Variants in SCLT1 observed in about 807,000 individuals in gnomAD.
SCLT1 encodes sodium channel and clathrin linker 1, also known as sodium channel-associated protein 1.
A neutral mutation model predicts 112.8 loss-of-function variants in SCLT1; 78 were observed. The observed-to-expected ratio is 0.69, with a 90% confidence interval of 0.58 to 0.83. The LOEUF (loss-of-function observed/expected upper bound fraction) is 0.83. SCLT1 is among the 40% of genes least tolerant of loss of function. The probability of loss-of-function intolerance (pLI) is 0.00; values close to 1 mark genes in which losing one functional copy is unlikely to be tolerated. For synonymous variants in SCLT1, 257 were observed against 254.7 expected, an observed-to-expected ratio of 1.01 and a Z score of -0.09; for missense variants, 747 against 770.4, an observed-to-expected ratio of 0.97 and a Z score of 0.36.
intron 9 of SCLT1, among the ~76,000 whole-genome samples, chr4:128,990,132 C>A (rs980828678): frequency 3.8e-4 from 58 of 151,950 alleles, no homozygotes; most frequent in African/African-American, 1.3e-3. Flanking sequence ...CAAAACCAGA[C>A]AAAGACACAA....
In SCLT1 at chr4:129,003,807, TC is replaced by T; in HGVS notation, c.359del (p.Gly120GlufsTer20). On this transcript the variant is annotated frameshift_variant, in exon 6 of 21. Transcript: ENST00000281142. LOFTEE classifies it high-confidence loss of function. ...LEAFPLGTEV[G>X]TDIYADDETV... The stretch of plus-strand genomic sequence containing the variant: ...TTTCATCATCTGCATATATGTCAGT[TC>T]CTACCTCTGTGCCCAGGGGAAAGGC... 6.2e-7 allele frequency: 1 copy of T among 1,612,538 alleles called. No homozygotes were observed. Among genetic ancestry groups the T allele is most frequent in the East Asian group, 2.2e-5 (1 of 44,766 alleles).
At chr4:128,900,746 C>T (rs1734211608) in intron 18 of SCLT1, among the ~76,000 whole-genome samples, 1 of 152,142 alleles carries the variant, frequency 6.6e-6, no homozygotes, top group Non-Finnish European at 1.5e-5. Flanking sequence ...AGGCAACCTA[C>T]AGAACAGGAG....
At chr4:128,961,944 G>GT (rs1352251762) in intron 11 of SCLT1, among the ~76,000 whole-genome samples, 3 of 152,174 alleles carry the variant, frequency 2.0e-5, no homozygotes, top group Non-Finnish European at 4.4e-5. Flanking sequence ...GTTGGCTATC[G>GT]TTGTTAAGAG....
chr4:129,056,933 A>G (rs1292528640), intron 2 of SCLT1, among the ~76,000 whole-genome samples: 1 of 152,214 alleles, frequency 6.6e-6, no homozygotes, highest in Non-Finnish European at 1.5e-5. Context: ...AAAACTTTCA[A>G]CTTTTACGCT....
intron 5 of SCLT1, among the ~76,000 whole-genome samples, chr4:129,006,051 G>T (rs1375736240): frequency 1.4e-4 from 20 of 146,488 alleles, no homozygotes; most frequent in African/African-American, 1.5e-4. Context: ...AGCATTAGGA[G>T]ATATACCTAA....
intron 18 of SCLT1, among the ~76,000 whole-genome samples, chr4:128,892,156 T>C (rs1327732100): frequency 2.0e-5 from 3 of 152,238 alleles, no homozygotes; most frequent in African/African-American, 7.2e-5. Context: ...ACTGTCTTCT[T>C]CTTCTTGTTC....
intron 5 of SCLT1, among the ~76,000 whole-genome samples, chr4:129,016,483 T>C (rs1367046962): frequency 3.9e-5 from 6 of 152,214 alleles, no homozygotes; most frequent in Admixed American, 3.9e-4. Flanking sequence ...TTTTACTGCC[T>C]ATTATTTCTA....
chr4:129,034,630 A>G (rs1304352018), intron 5 of SCLT1, among the ~76,000 whole-genome samples: 1 of 151,246 alleles, frequency 6.6e-6, no homozygotes, highest in Non-Finnish European at 1.5e-5. Flanking sequence ...AAATTTCAAA[A>G]AAACTTTTTA....
At chr4:128,966,742 T>C (rs762296302) in intron 10 of SCLT1, among the ~76,000 whole-genome samples, 5 of 152,220 alleles carry the variant, frequency 3.3e-5, no homozygotes, top group Admixed American at 6.5e-5. Flanking sequence ...TGCCTGTATT[T>C]TGCCTTCATT....
At chr4:128,934,869 T>A (rs1387133854) in intron 18 of SCLT1, among the ~76,000 whole-genome samples, 1 of 151,950 alleles carries the variant, frequency 6.6e-6, no homozygotes, top group Non-Finnish European at 1.5e-5. Flanking sequence ...AATAGTGAAC[T>A]TCTTTGACAT....
intron 17 of SCLT1, among the ~76,000 whole-genome samples, chr4:128,939,115 T>C (rs1320580413): frequency 1.3e-5 from 2 of 152,234 alleles, no homozygotes; most frequent in East Asian, 3.9e-4. Flanking sequence ...TCACAAGCTT[T>C]GCTTTAAGAC....
chr4:128,886,811 C>G (rs948403649), intron 20 of SCLT1, among the ~76,000 whole-genome samples: 1 of 152,122 alleles, frequency 6.6e-6, no homozygotes, highest in Admixed American at 6.6e-5. Context: ...AGGGGAGAAA[C>G]TAAACTAGAT....
At chr4:128,938,211 T>G (rs1218034103) in intron 17 of SCLT1, among the ~76,000 whole-genome samples, 1 of 152,220 alleles carries the variant, frequency 6.6e-6, no homozygotes, top group South Asian at 2.1e-4. Context: ...GAGTAATTCA[T>G]TAAATACGGT....
At chr4:128,926,922 T>C (rs1200708609) in intron 18 of SCLT1, among the ~76,000 whole-genome samples, 2 of 151,498 alleles carry the variant, frequency 1.3e-5, no homozygotes, top group Admixed American at 1.3e-4. Context: ...TGGTATAACA[T>C]GTAGGGTAGT....
At position 129,042,812 on chromosome 4, in the gene SCLT1, C is replaced by A. The variant is rs935292062; in HGVS notation, c.234+583G>T. ...CACAGGTGCACACCACCACACCCAGCTAACTTCATTCCAGCACTTTGGGAG... is the reference window on the plus strand; with the variant it reads ...CACAGGTGCACACCACCACACCCAGATAACTTCATTCCAGCACTTTGGGAG... On this transcript the variant is annotated intron_variant, in intron 4 of 20. Coordinates refer to ENST00000281142, the MANE Select transcript of SCLT1 (RefSeq NM_144643.4). Among the ~76,000 whole-genome samples the A allele has an allele frequency of 3.3e-5, 5 of 152,088 alleles. No individual in the cohort carries two copies. The South Asian group carries it at 1.0e-3, about 32-fold the overall frequency.
chr4:129,030,017 A>T (rs1746555421), intron 5 of SCLT1, among the ~76,000 whole-genome samples: 1 of 152,186 alleles, frequency 6.6e-6, no homozygotes. Context: ...CATTATTCTC[A>T]GCACCACATA....
intron 2 of SCLT1, among the ~76,000 whole-genome samples, chr4:129,053,186 G>A (rs1051171763): frequency 2.0e-4 from 30 of 152,150 alleles, no homozygotes; most frequent in African/African-American, 7.0e-4. Flanking sequence ...ATGTGGTGCT[G>A]AGAATAACAT....
chr4:128,902,444 C>T (rs1176414885), intron 18 of SCLT1, among the ~76,000 whole-genome samples: 3 of 152,162 alleles, frequency 2.0e-5, no homozygotes, highest in Non-Finnish European at 4.4e-5. Context: ...CAAACCTGTA[C>T]AGCATGTTAC....
At chr4:128,982,582 A>G (rs1018289568) in intron 9 of SCLT1, among the ~76,000 whole-genome samples, 8 of 151,830 alleles carry the variant, frequency 5.3e-5, no homozygotes, top group African/African-American at 1.7e-4. Flanking sequence ...GGTCACTGCA[A>G]CCTCTGCCTC....
Sources: gnomAD v4.1 joint callset for allele counts (sites outside exome capture counted in the v4.1 genomes callset) on GRCh38, gnomAD v4.1.1 for gene constraint, MANE v1.5 for transcripts, NCBI Gene and HGNC (gene_info 2026-07-23, HGNC 2026-07-21) for gene names.